KATNB1: variants seen among roughly 807,000 people sequenced by gnomAD.
KATNB1 encodes katanin regulatory subunit B1, also known as katanin p80 WD40 repeat-containing subunit B1.
KATNB1 carries 38 observed loss-of-function variants against 82.3 expected under a neutral mutation model. That is an observed-to-expected ratio of 0.46 (90% confidence interval 0.36 to 0.61). The LOEUF (loss-of-function observed/expected upper bound fraction) is 0.61. Among genes scored for constraint, KATNB1 ranks in the 20% least tolerant of loss-of-function variants. The pLI is 0.00. For synonymous variants in KATNB1, 361 were observed against 368.7 expected, an observed-to-expected ratio of 0.98 and a Z score of 0.24; for missense variants, 749 against 915.7, an observed-to-expected ratio of 0.82 and a Z score of 2.35.
chr16:57,753,156 C>T lies in KATNB1; in HGVS notation c.935C>T (p.Ala312Val). 6.2e-7 allele frequency: 1 copy of T among 1,611,182 alleles called. No individual in the cohort carries two copies. The highest frequency in any genetic ancestry group is 1.6e-4 in the Middle Eastern group (1 of 6,062). The change falls in exon 11 of 20, where the codon GCC (alanine) becomes GTC (valine). Residue 312 changes from alanine (A) to valine (V), a missense_variant. By Grantham distance (64) the Ala-to-Val change is moderately conservative. Transcript: ENST00000379661. The stretch of plus-strand genomic sequence containing the variant: ...CGTGTCACCAGGACTGGCACGGTGG[C>T]CCGGGACCCTGTGCAGGACCACCGG... ...LTRVTRTGTV[A>V]RDPVQDHRPL...
intron 4 of KATNB1, among the ~76,000 whole-genome samples, chr16:57,747,302 A>C (rs782564865): frequency 6.6e-6 from 1 of 152,218 alleles, no homozygotes; most frequent in Non-Finnish European, 1.5e-5. Flanking sequence ...TTTTTCCAGA[A>C]GAGAGCCCCT....
Position 57,751,606 on chromosome 16 carries a change from A to G in KATNB1, c.433-35A>G. 2 of 1,596,402 alleles carry G rather than the reference A, an allele frequency of 1.3e-6. No homozygotes were observed. Among genetic ancestry groups the G allele is most frequent in the Non-Finnish European group, 1.7e-6 (2 of 1,169,234 alleles). On this transcript the variant is annotated intron_variant, in intron 6 of 19. Transcript: ENST00000379661. The surrounding 1 kb of genome is among the most constrained non-coding windows in gnomAD (Gnocchi z 6.3). ...CAGGGAGAGGTCTGTTGGGCCCAGG[A>G]TCCCAGGGTGAGCTCATGCCGTGTC...
Position 57,751,576 on chromosome 16 carries a change from G to C in KATNB1, c.433-65G>C. The C allele has an allele frequency of 7.0e-7, 1 of 1,425,656 alleles. No homozygotes were observed. The highest frequency in any genetic ancestry group is 1.4e-5 in the African/African-American group (1 of 71,396). 88.3% of individuals were successfully genotyped at this position (1,425,656 alleles called of 1,614,324 possible). A position where few individuals can be genotyped will look rare whatever the true frequency, so the allele number is the denominator to read the frequency against. ...GATGGAAGGGGTCCCATAGGAGTGA[G>C]GAGGCAGGGAGAGGTCTGTTGGGCC... On this transcript the variant is annotated intron_variant, in intron 6 of 19. Coordinates refer to ENST00000379661, the MANE Select transcript of KATNB1 (RefSeq NM_005886.3). The surrounding 1 kb of genome is among the most constrained non-coding windows in gnomAD (Gnocchi z 6.3).
chr16:57,746,185 GA>G (rs2049182774), intron 4 of KATNB1, among the ~76,000 whole-genome samples: 1 of 152,180 alleles, frequency 6.6e-6, no homozygotes, highest in Non-Finnish European at 1.5e-5. Context: ...TTATGAGTTT[GA>G]GTATAGAGTT....
At chr16:57,752,152 G>T in intron 8 of KATNB1, 97 bp downstream of exon 8, 1 of 793,862 alleles carries the variant, frequency 1.3e-6, no homozygotes, top group Non-Finnish European at 2.1e-6. Context: ...GCTGTCTGGG[G>T]TGTCATACGT....
chr16:57,741,779 G>C lies in KATNB1; in HGVS notation c.133G>C (p.Val45Leu). The C allele has an allele frequency of 6.2e-7, 1 of 1,613,568 alleles. No homozygotes were observed. Among genetic ancestry groups the C allele is most frequent in the Non-Finnish European group, 8.5e-7 (1 of 1,179,926 alleles). ...LLATGGDDCR[V>L]NLWSINKPNC... ...GGCTACAGGCGGGGATGACTGCCGC[G>C]TCAACCTGTGGTCCATCAACAAGCC... is the stretch of plus-strand genomic sequence containing the variant. Residue 45 changes from valine (V) to leucine (L), a missense_variant, in exon 3 of 20, where the codon GTC becomes CTC. Physicochemically the swap from Val to Leu is conservative, Grantham distance 32. This residue lies in a region of KATNB1 where 247 missense variants were observed against 349.4 expected (regional missense o/e 0.71). Coordinates refer to ENST00000379661, the MANE Select transcript of KATNB1 (RefSeq NM_005886.3).
At chr16:57,752,957 C>T (rs1450370793) in intron 10 of KATNB1, 29 bp downstream of exon 10, 2 of 1,598,582 alleles carry the variant, frequency 1.3e-6, no homozygotes, top group African/African-American at 1.3e-5. Context: ...CCACCGCCCC[C>T]CACTCCCACA....
chr16:57,756,503 G>T (rs2049284177), intron 19 of KATNB1, 31 bp downstream of exon 19: 1 of 1,566,424 alleles, frequency 6.4e-7, no homozygotes, highest in Non-Finnish European at 8.8e-7. Flanking sequence ...GGGGGCAGGG[G>T]TGCCACAACA....
Position 57,751,256 on chromosome 16 carries a change from C to A in KATNB1, c.391-5C>A. On this transcript the variant is annotated splice_region_variant and splice_polypyrimidine_tract_variant and intron_variant, in intron 5 of 19. Transcript: ENST00000379661. This position sits in a 1 kb window ranked among gnomAD's most constrained non-coding sequence, Gnocchi z 6.3. Reference sequence around the variant, plus strand: ...TCTGCCCCTCTGCTTCTCTCTCCCCCACAGCTCTGGGACATCAGGAGGAAA... The same window carrying A: ...TCTGCCCCTCTGCTTCTCTCTCCCCAACAGCTCTGGGACATCAGGAGGAAA... 1 of 1,613,852 alleles carries A rather than the reference C, an allele frequency of 6.2e-7. No homozygotes were observed. Among genetic ancestry groups the A allele is most frequent in the East Asian group, 2.2e-5 (1 of 44,876 alleles).
At position 57,752,539 on chromosome 16, in the gene KATNB1, C is replaced by A. The variant is rs782813431; in HGVS notation, c.642C>A (p.Arg214=). ...LASGSSDRTI[R]FWDLEKFQVV... ...TTGGCTGCCTTTGCAGGACAATCCG[C>A]TTCTGGGACCTGGAGAAGTTCCAGG... Residue 214 remains arginine (R), a synonymous_variant, in exon 9 of 20, where the codon CGC becomes CGA. Coordinates refer to ENST00000379661, the MANE Select transcript of KATNB1 (RefSeq NM_005886.3). The A allele has an allele frequency of 5.5e-5, 86 of 1,565,458 alleles. No individual in the cohort carries two copies. The highest frequency in any genetic ancestry group is 6.8e-5 in the Non-Finnish European group (79 of 1,154,706).
chr16:57,748,698 AG>A (rs1555582222), intron 4 of KATNB1, among the ~76,000 whole-genome samples: 2 of 152,234 alleles, frequency 1.3e-5, no homozygotes, highest in African/African-American at 4.8e-5. Context: ...GAGCAAGGGC[AG>A]GAGTCAAGCC....
intron 2 of KATNB1, among the ~76,000 whole-genome samples, chr16:57,741,392 A>G (rs2049140562): frequency 6.6e-6 from 1 of 152,262 alleles, no homozygotes; most frequent in African/African-American, 2.4e-5. Flanking sequence ...AAAATTGCGT[A>G]TAACTAGTCA....
rs766974907 is a variant in KATNB1, at chr16:57,737,253, C to G, written c.10C>G (p.Pro4Ala). Residue 4 changes from proline to alanine, a missense_variant, in exon 2 of 20, where the codon CCT (proline) becomes GCT (alanine). Physicochemically the swap from Pro to Ala is conservative, Grantham distance 27 (BLOSUM62 -1). Transcript: ENST00000379661. The stretch of plus-strand genomic sequence containing the variant: ...GCCAGCCAGCTGAAGGATGGCCACC[C>G]CTGTGGTCACCAAGACAGCCTGGAA... MAT[P>A]VVTKTAWKLQ... is the part of the protein sequence containing the mutation. 3.7e-6 allele frequency: 6 copies of G among 1,614,100 alleles called. No homozygotes were observed. Among genetic ancestry groups the G allele is most frequent in the Non-Finnish European group, 5.1e-6 (6 of 1,180,038 alleles).
In KATNB1 at chr16:57,751,427, G is replaced by C; in HGVS notation, c.432+125G>C. The C allele has an allele frequency of 9.1e-7, 1 of 1,096,246 alleles. No individual in the cohort carries two copies. The highest frequency in any genetic ancestry group is 1.3e-5 in the South Asian group (1 of 77,886). 67.9% of individuals were successfully genotyped at this position (1,096,246 alleles called of 1,614,324 possible). ...CACATGGGTGATAACATAAAACATA[G>C]ACCTGGAGCTGAGCAGGAGCGCCAT... On this transcript the variant is annotated intron_variant, in intron 6 of 19. Coordinates refer to ENST00000379661, the MANE Select transcript of KATNB1 (RefSeq NM_005886.3). This position sits in a 1 kb window ranked among gnomAD's most constrained non-coding sequence, Gnocchi z 6.3.
At chr16:57,749,696 C>T (rs781964959) in intron 4 of KATNB1, among the ~76,000 whole-genome samples, 14 of 152,198 alleles carry the variant, frequency 9.2e-5, no homozygotes, top group Non-Finnish European at 1.3e-4. Flanking sequence ...TACTGGAGGA[C>T]ACCCTGAAAC....
At chr16:57,741,263 T>C (rs1415474249) in intron 2 of KATNB1, among the ~76,000 whole-genome samples, 1 of 152,242 alleles carries the variant, frequency 6.6e-6, no homozygotes, top group East Asian at 1.9e-4. Context: ...GTCAATTTTT[T>C]TTATTTCAAT....
chr16:57,738,134 G>T (rs1176184009), intron 2 of KATNB1, among the ~76,000 whole-genome samples: 1 of 152,176 alleles, frequency 6.6e-6, no homozygotes, highest in Non-Finnish European at 1.5e-5. Context: ...CCTACACATT[G>T]GCACCTTGGT....
chr16:57,755,082 G>T, intron 14 of KATNB1, 37 bp from the exon 15 acceptor site: 1 of 1,613,062 alleles, frequency 6.2e-7, no homozygotes, highest in Non-Finnish European at 8.5e-7. Flanking sequence ...AGAGAGGGAG[G>T]CCCCAGGCCG....
chr16:57,752,405 C>G (rs2049235672), intron 8 of KATNB1, 125 bp from the exon 9 acceptor site: 10 of 866,500 alleles, frequency 1.2e-5, no homozygotes, highest in Non-Finnish European at 1.5e-5. Context: ...CAGCTCTGCC[C>G]CAGATGTTGC....
Sources: gnomAD v4.1 joint callset for allele counts (sites outside exome capture counted in the v4.1 genomes callset) on GRCh38, gnomAD v4.1.1 for gene constraint, gnomAD v4.1.1 regional missense constraint, Gnocchi (gnomAD v3.1) non-coding constraint, MANE v1.5 for transcripts, NCBI Gene and HGNC (gene_info 2026-07-23, HGNC 2026-07-21) for gene names.